FRA10AC1: variants seen among roughly 807,000 people sequenced by gnomAD.
The protein encoded by FRA10AC1 is protein FRA10AC1.
FRA10AC1 carries 43 observed loss-of-function variants against 56.5 expected under a neutral mutation model. The observed-to-expected ratio is 0.76, with a 90% CI of 0.60 to 0.98. FRA10AC1 has a LOEUF of 0.98. FRA10AC1 is among the 50% of genes least tolerant of loss of function. The pLI is 0.00. For synonymous variants in FRA10AC1, 112 were observed against 110.5 expected (o/e 1.01, Z -0.09); for missense variants, 346 against 351.8 (o/e 0.98, Z 0.13).
chr10:93,693,480 GTGTATATATATATA>G (rs1166269831), intron 5 of FRA10AC1, among the ~76,000 whole-genome samples: 2 of 19,760 alleles, frequency 1.0e-4, no homozygotes, highest in East Asian at 3.3e-3. Context: ...TGTGGTGTGT[GTGTATATATATATA>G]TATATATATA....
chr10:93,695,362 T>C (rs1275842137), intron 4 of FRA10AC1, among the ~76,000 whole-genome samples: 1 of 151,828 alleles, frequency 6.6e-6, no homozygotes. Context: ...TTAGTAATGA[T>C]AAAGCCTCTA....
intron 7 of FRA10AC1, chr10:93,687,750 T>C (rs2059056441): frequency 5.0e-6 from 1 of 201,628 alleles, no homozygotes; most frequent in South Asian, 1.3e-4. Flanking sequence ...TATGGTATAG[T>C]AAAGAGGTAG....
At position 93,684,113 on chromosome 10, in the gene FRA10AC1, C is replaced by T. The variant is rs760834515; in HGVS notation, c.626-15G>A. 6.9e-6 allele frequency: 11 copies of T among 1,598,346 alleles called. No homozygotes were observed. The highest frequency in any genetic ancestry group is 6.7e-5 in the African/African-American group (5 of 74,450). On this transcript the variant is annotated splice_polypyrimidine_tract_variant and intron_variant, in intron 9 of 13. Coordinates refer to ENST00000359204, the MANE Select transcript of FRA10AC1 (RefSeq NM_145246.5). ...TTGGCATAACCCTAAAAAGAAAAGA[C>T]ACCACTGAATGGCTGATTTTGAATA...
intron 4 of FRA10AC1, among the ~76,000 whole-genome samples, chr10:93,695,530 G>A (rs936785566): frequency 2.6e-5 from 4 of 151,848 alleles, no homozygotes; most frequent in African/African-American, 4.8e-5. Context: ...CAAAATATAT[G>A]AGCATTTTAC....
intron 12 of FRA10AC1, chr10:93,673,240 T>C (rs931974673): frequency 4.6e-6 from 2 of 436,362 alleles, no homozygotes; most frequent in Non-Finnish European, 9.1e-6. Context: ...CCCAGAGTCA[T>C]AAAAAATAAG....
In FRA10AC1 at chr10:93,693,673, C is replaced by CATATAT. The variant is rs368987348; in HGVS notation, c.297-950_297-945dup. 3.3e-5 allele frequency among the ~76,000 whole-genome samples: 3 copies of CATATAT among 92,100 alleles called. 1 individual carries two copies. The highest frequency in any genetic ancestry group is 2.4e-4 in the Admixed American group (2 of 8,272). The allele number at this position is 92,100 out of a possible 152,430, so 60.4% of individuals were successfully genotyped here. ...ATATATATACCATATATATATACAC[C>CATATAT]ATATATATATATATATACCATATAT... On this transcript the variant is annotated intron_variant, in intron 5 of 13. Transcript: ENST00000359204.
intron 11 of FRA10AC1, among the ~76,000 whole-genome samples, chr10:93,680,163 T>C (rs1205050610): frequency 6.6e-6 from 1 of 152,192 alleles, no homozygotes; most frequent in Admixed American, 6.5e-5. Context: ...GAATACGCAG[T>C]GATTAACATG....
intron 10 of FRA10AC1, 48 bp from the exon 11 acceptor site, chr10:93,681,646 T>C: frequency 7.1e-7 from 1 of 1,403,330 alleles, no homozygotes; most frequent in Non-Finnish European, 9.4e-7. Flanking sequence ...CCAACTGACC[T>C]TTTCAAAAAT....
intron 12 of FRA10AC1, chr10:93,672,033 A>G (rs766027541): frequency 7.4e-5 from 33 of 448,606 alleles, no homozygotes; most frequent in Admixed American, 2.2e-4. Context: ...CAATAACACT[A>G]TAACTCACAA....
intron 5 of FRA10AC1, among the ~76,000 whole-genome samples, chr10:93,694,542 C>T (rs537686487): frequency 2.6e-5 from 4 of 151,672 alleles, no homozygotes; most frequent in South Asian, 2.1e-4. Flanking sequence ...GGTGAAACCC[C>T]GTCTCTACTA....
At chr10:93,693,514 TATATATATATATACACC>T (rs368638238) in intron 5 of FRA10AC1, among the ~76,000 whole-genome samples, 10,476 of 54,456 alleles carry the variant, frequency 0.19, 1,572 homozygotes, top group Middle Eastern at 0.28. Context: ...ATATACACCA[TATATATATATATACACC>T]ATATATATAT....
chr10:93,672,728 C>T (rs1236359771), intron 12 of FRA10AC1: 1 of 152,200 alleles, frequency 6.6e-6, no homozygotes, highest in Non-Finnish European at 1.5e-5. Context: ...AAAATACCCA[C>T]TAAAAAAGTG....
At chr10:93,683,121 T>C (rs1200741678) in intron 10 of FRA10AC1, among the ~76,000 whole-genome samples, 3 of 152,220 alleles carry the variant, frequency 2.0e-5, no homozygotes, top group African/African-American at 4.8e-5. Context: ...GCAAGCACTT[T>C]ACATGCACTT....
intron 7 of FRA10AC1, among the ~76,000 whole-genome samples, chr10:93,690,077 T>C (rs932304422): frequency 6.6e-6 from 1 of 152,156 alleles, no homozygotes; most frequent in Admixed American, 6.5e-5. Flanking sequence ...TCTAAAAGTA[T>C]CTACTATATA....
At chr10:93,670,216 G>A (rs1030612020) in intron 13 of FRA10AC1, among the ~76,000 whole-genome samples, 2 of 151,952 alleles carry the variant, frequency 1.3e-5, no homozygotes, top group Non-Finnish European at 2.9e-5. Flanking sequence ...ATTATAGTCT[G>A]CTCAAGAAGT....
chr10:93,689,553 A>G (rs953567414), intron 7 of FRA10AC1, among the ~76,000 whole-genome samples: 1 of 152,168 alleles, frequency 6.6e-6, no homozygotes, highest in African/African-American at 2.4e-5. Flanking sequence ...TTCTTCATTC[A>G]TTAATCTATT....
chr10:93,698,080 A>C, intron 4 of FRA10AC1, 56 bp downstream of exon 4: 1 of 1,000,304 alleles, frequency 1.0e-6, no homozygotes. Flanking sequence ...AAAACAAAAA[A>C]GCAGATTTTA....
intron 5 of FRA10AC1, 139 bp from the exon 6 acceptor site, chr10:93,692,868 CAT>C (rs2059148245): frequency 6.0e-6 from 3 of 497,386 alleles, no homozygotes; most frequent in Admixed American, 4.1e-5. Context: ...AATTTGTTCA[CAT>C]ATTTATAAAA....
intron 11 of FRA10AC1, among the ~76,000 whole-genome samples, chr10:93,677,624 ACTAC>A (rs2058865307): frequency 6.6e-6 from 1 of 152,190 alleles, no homozygotes; most frequent in Non-Finnish European, 1.5e-5. Context: ...AGCAAATACA[ACTAC>A]CTGAAAATGT....
Sources: allele counts gnomAD v4.1 joint callset (sites outside exome capture counted in the v4.1 genomes callset), GRCh38; gene constraint gnomAD v4.1.1; transcripts MANE v1.5; gene names NCBI Gene and HGNC (gene_info 2026-07-23, HGNC 2026-07-21).